The following SLC7A1 variants were observed in gnomAD, a reference collection of about 807,000 sequenced individuals.
SLC7A1 encodes solute carrier family 7 member 1.
Under a neutral mutation model 53.9 loss-of-function variants are expected in SLC7A1, and 10 were observed. That is an observed-to-expected ratio of 0.19 (90% CI 0.11 to 0.31). The LOEUF (loss-of-function observed/expected upper bound fraction) is 0.31, where lower values mean the gene tolerates loss of function less well. Among genes scored for constraint, SLC7A1 ranks in the 10% least tolerant of loss-of-function variants. SLC7A1 has a pLI of 1.00. For missense variants in SLC7A1, 525 were observed against 827.2 expected (o/e 0.63, Z 4.48); for synonymous variants, 342 against 338.7 (o/e 1.01, Z -0.11).
intron 5 of SLC7A1, 85 bp from the exon 6 acceptor site, chr13:29,524,338 G>A (rs535454244): frequency 5.3e-5 from 81 of 1,539,166 alleles, no homozygotes; most frequent in African/African-American, 1.8e-4. Context: ...TGATATGAGC[G>A]GAACCTGGCA....
intron 2 of SLC7A1, among the ~76,000 whole-genome samples, chr13:29,545,098 C>T (rs1368978511): frequency 1.3e-5 from 2 of 152,172 alleles, no homozygotes; most frequent in Admixed American, 6.5e-5. Context: ...CCATGACCAT[C>T]AACAACTTGT....
At chr13:29,515,541 G>C (rs1883527983) in intron 12 of SLC7A1, among the ~76,000 whole-genome samples, 1 of 152,260 alleles carries the variant, frequency 6.6e-6, no homozygotes, top group South Asian at 2.1e-4. Context: ...GAGGGGCAAT[G>C]GCCAGGGCCA....
chr13:29,536,014 G>C lies in SLC7A1; in HGVS notation c.175C>G (p.Arg59Gly), dbSNP rs759457641. Residue 59 changes from arginine to glycine, a missense_variant, in exon 3 of 13, where the codon CGT becomes GGT. Arg to Gly is a moderately radical substitution (Grantham distance 125). Transcript: ENST00000380752. ...GVYVLAGAVARENAGPAIVIS... is the reference protein window; with the variant it reads ...GVYVLAGAVAGENAGPAIVIS... Reference sequence around the variant, plus strand: ...ACAATGGCAGGGCCTGCATTCTCACGGGCCACAGCTCCAGCCAGGACGTAG... The same window carrying C: ...ACAATGGCAGGGCCTGCATTCTCACCGGCCACAGCTCCAGCCAGGACGTAG... The C allele has an allele frequency of 6.2e-7, 1 of 1,613,924 alleles. No individual in the cohort carries two copies. Among genetic ancestry groups the C allele is most frequent in the Non-Finnish European group, 8.5e-7 (1 of 1,180,018 alleles).
intron 1 of SLC7A1, among the ~76,000 whole-genome samples, chr13:29,588,785 G>A (rs1260258203): frequency 2.6e-5 from 4 of 152,154 alleles, no homozygotes; most frequent in East Asian, 3.8e-4. Context: ...GATTACAGGC[G>A]TGAGCCACCA....
chr13:29,516,295 A>G, intron 11 of SLC7A1, 49 bp from the exon 12 acceptor site: 1 of 1,198,600 alleles, frequency 8.3e-7, no homozygotes, highest in South Asian at 1.3e-5. Flanking sequence ...CGCCGGTTCC[A>G]ATAGTTCAGT....
At chr13:29,515,523 A>T (rs1035274325) in intron 12 of SLC7A1, among the ~76,000 whole-genome samples, 20 of 152,210 alleles carry the variant, frequency 1.3e-4, no homozygotes, top group African/African-American at 4.8e-4. Context: ...CTGTAGGGAC[A>T]TGGTCCTGAG....
At chr13:29,559,674 G>C (rs962011459) in intron 1 of SLC7A1, among the ~76,000 whole-genome samples, 4 of 151,746 alleles carry the variant, frequency 2.6e-5, no homozygotes, top group Non-Finnish European at 4.4e-5. Flanking sequence ...CATAAATTAA[G>C]CTTAGCTTAC....
rs539044696 is a variant in SLC7A1, at chr13:29,535,016, T to C, written c.370+803A>G. On this transcript the variant is annotated intron_variant, in intron 3 of 12. Transcript: ENST00000380752. ...GCTGGGTGGATGTGTTACAGGCCGA[T>C]GCCCAGTGCCCACACTGCAGGGAAA... Among the ~76,000 whole-genome samples the C allele has an allele frequency of 3.2e-3, 495 of 152,322 alleles. 2 individuals are homozygous for C. The highest frequency in any genetic ancestry group is 6.1e-3 in the Non-Finnish European group (412 of 68,036).
intron 1 of SLC7A1, among the ~76,000 whole-genome samples, chr13:29,572,853 G>C (rs947492140): frequency 2.0e-5 from 3 of 152,098 alleles, no homozygotes; most frequent in Non-Finnish European, 4.4e-5. Flanking sequence ...ACACACAACC[G>C]CAAGGGCCAA....
intron 1 of SLC7A1, among the ~76,000 whole-genome samples, chr13:29,574,785 C>T (rs1200778603): frequency 1.3e-5 from 2 of 151,830 alleles, no homozygotes; most frequent in African/African-American, 4.8e-5. Flanking sequence ...GCTGGGACTA[C>T]AGGTGCGCGC....
At chr13:29,592,421 ATGGCATCCCC>A (rs1872148548) in intron 1 of SLC7A1, among the ~76,000 whole-genome samples, 1 of 152,230 alleles carries the variant, frequency 6.6e-6, no homozygotes, top group Non-Finnish European at 1.5e-5. Context: ...GGCCAGGTAA[ATGGCATCCCC>A]TGGGTCTGCC....
In SLC7A1 at chr13:29,509,558, T is replaced by C. The variant is rs1883335424; in HGVS notation, c.*4922A>G. 6.6e-6 allele frequency: 1 copy of C among 152,626 alleles called. No homozygotes were observed. The highest frequency in any genetic ancestry group is 2.4e-5 in the African/African-American group (1 of 41,458). 9.5% of individuals were successfully genotyped at this position (152,626 alleles called of 1,614,324 possible). A position where few individuals can be genotyped will look rare whatever the true frequency, so the allele number is the denominator to read the frequency against. On this transcript the variant is annotated 3_prime_UTR_variant, in exon 13 of 13. Transcript: ENST00000380752. ...AAAGGGGAGGCAGGGCAGTTTCACATTTTTTGAAAGGTGGTGGACGACAAC... is the reference window on the plus strand; with the variant it reads ...AAAGGGGAGGCAGGGCAGTTTCACACTTTTTGAAAGGTGGTGGACGACAAC...
intron 2 of SLC7A1, among the ~76,000 whole-genome samples, chr13:29,538,543 G>A (rs71434731): frequency 0.08 from 12,209 of 152,210 alleles, 535 homozygotes; most frequent in Middle Eastern, 0.14. Flanking sequence ...GAGAGCCTCC[G>A]AGTGGCACTA....
Position 29,511,681 on chromosome 13 carries a change from T to A in SLC7A1, c.*2799A>T, listed in dbSNP as rs900047839. On this transcript the variant is annotated 3_prime_UTR_variant, in exon 13 of 13. Transcript: ENST00000380752. ...CAGCAGAGGTCCTGAGGCAGGGGGG[T>A]GGAGATCTGCTGGGTTTGCTGCTTC... The A allele has an allele frequency of 2.0e-5, 3 of 151,604 alleles. No individual in the cohort carries two copies. The highest frequency in any genetic ancestry group is 4.4e-5 in the Non-Finnish European group (3 of 67,918). 9.4% of individuals were successfully genotyped at this position (151,604 alleles called of 1,614,324 possible).
At chr13:29,581,381 A>C in intron 1 of SLC7A1, among the ~76,000 whole-genome samples, 1 of 151,288 alleles carries the variant, frequency 6.6e-6, no homozygotes. Flanking sequence ...CCCTGTGCAA[A>C]CCCCCGTGCT....
rs3013641 is a variant in SLC7A1, at chr13:29,513,912, T to A, written c.*568A>T. ...GGCAGGGTCCGGCCCTAATGACCCA[T>A]CTGAATGCAACCGGAGAAGGACAAC... On this transcript the variant is annotated 3_prime_UTR_variant, in exon 13 of 13. Transcript: ENST00000380752. 143,061 of 152,896 alleles carry A rather than the reference T, an allele frequency of 0.94. 67,336 individuals are homozygous for A. Among genetic ancestry groups the A allele is most frequent in the Non-Finnish European group, 0.99 (67,463 of 68,472 alleles). 9.5% of individuals were successfully genotyped at this position (152,896 alleles called of 1,614,324 possible).
intron 1 of SLC7A1, among the ~76,000 whole-genome samples, chr13:29,555,827 G>A (rs1334721993): frequency 6.6e-6 from 1 of 152,184 alleles, no homozygotes; most frequent in Non-Finnish European, 1.5e-5. Flanking sequence ...TGATGACACT[G>A]GGGGTGATGT....
intron 1 of SLC7A1, among the ~76,000 whole-genome samples, chr13:29,570,813 A>T (rs984650859): frequency 6.6e-6 from 1 of 151,646 alleles, no homozygotes; most frequent in East Asian, 1.9e-4. Context: ...AGCCATGATC[A>T]TGCCACTGCA....
chr13:29,514,466 G>A lies in SLC7A1; in HGVS notation c.*14C>T, dbSNP rs1303926030. On this transcript the variant is annotated 3_prime_UTR_variant, in exon 13 of 13. Coordinates refer to ENST00000380752, the MANE Select transcript of SLC7A1 (RefSeq NM_003045.5). ...CTCGGGGCTGCTGCCACCTCCGGGG[G>A]GCGGGGCTGTGCGTCACTTGCACTG... is the stretch of plus-strand genomic sequence containing the variant. 2.5e-6 allele frequency: 4 copies of A among 1,599,576 alleles called. No individual in the cohort carries two copies. In the East Asian group the frequency reaches 8.9e-5, roughly 36 times the overall value.
Sources: allele counts gnomAD v4.1 joint callset (sites outside exome capture counted in the v4.1 genomes callset), GRCh38; gene constraint gnomAD v4.1.1; transcripts MANE v1.5; gene names NCBI Gene and HGNC (gene_info 2026-07-23, HGNC 2026-07-21).